The following FARS2 variants were observed in gnomAD, a reference collection of about 807,000 sequenced individuals.
The protein encoded by FARS2 is phenylalanyl-tRNA synthetase 2, mitochondrial.
FARS2 carries 40 observed loss-of-function variants against 46.4 expected under a neutral mutation model. The ratio of observed to expected loss-of-function variants is 0.86; its 90% CI spans 0.67 to 1.12. FARS2 has a LOEUF of 1.12. FARS2 is among the 50% of genes most tolerant of loss of function. FARS2 has a pLI of 0.00. For missense variants in FARS2, 513 were observed against 567.9 expected (o/e 0.90, Z 0.98); for synonymous variants, 234 against 214.9 (o/e 1.09, Z -0.78).
intron 5 of FARS2, among the ~76,000 whole-genome samples, chr6:5,593,813 G>A (rs1407517121): frequency 6.6e-6 from 1 of 152,146 alleles, no homozygotes; most frequent in Non-Finnish European, 1.5e-5. Flanking sequence ...GAAGATGGTC[G>A]GAGAGTCCTG....
At chr6:5,278,481 G>GT (rs1276830024) in intron 1 of FARS2, among the ~76,000 whole-genome samples, 2 of 152,210 alleles carry the variant, frequency 1.3e-5, no homozygotes, top group African/African-American at 4.8e-5. Context: ...TTTACACAAA[G>GT]TTTTTTACTA....
At chr6:5,264,495 CTT>C (rs776344380) in intron 1 of FARS2, among the ~76,000 whole-genome samples, 18 of 138,982 alleles carry the variant, frequency 1.3e-4, no homozygotes, top group Admixed American at 1.4e-4. Flanking sequence ...TTTCTTTTTT[CTT>C]TTTTTTTTTT....
chr6:5,553,588 G>C (rs1277709666), intron 5 of FARS2, among the ~76,000 whole-genome samples: 1 of 152,036 alleles, frequency 6.6e-6, no homozygotes, highest in Non-Finnish European at 1.5e-5. Context: ...AGAGCCGAAG[G>C]ATTTAAATTT....
At chr6:5,665,920 G>A (rs886935445) in intron 6 of FARS2, among the ~76,000 whole-genome samples, 6 of 152,148 alleles carry the variant, frequency 3.9e-5, no homozygotes, top group Non-Finnish European at 8.8e-5. Flanking sequence ...TTGAGTGGGA[G>A]GAGTTGGTGA....
At chr6:5,406,540 T>C (rs2127722488) in intron 3 of FARS2, among the ~76,000 whole-genome samples, 1 of 152,348 alleles carries the variant, frequency 6.6e-6, no homozygotes, top group Non-Finnish European at 1.5e-5. Flanking sequence ...GAATATGTGC[T>C]CTTTTTTGTC....
At chr6:5,500,817 G>A (rs1311833292) in intron 4 of FARS2, among the ~76,000 whole-genome samples, 1 of 152,080 alleles carries the variant, frequency 6.6e-6, no homozygotes, top group African/African-American at 2.4e-5. Context: ...AAGGATAAAG[G>A]ATAAGAAGAG....
chr6:5,747,122 C>T (rs1761691761), intron 6 of FARS2, among the ~76,000 whole-genome samples: 1 of 152,160 alleles, frequency 6.6e-6, no homozygotes, highest in Non-Finnish European at 1.5e-5. Context: ...GTACCATGGA[C>T]ACCAGCCAAG....
intron 4 of FARS2, chr6:5,452,452 T>C (rs1764552052): frequency 6.6e-6 from 1 of 152,340 alleles, no homozygotes; most frequent in African/African-American, 2.4e-5. Flanking sequence ...CAAGGAACTG[T>C]TGAATGTGCC....
chr6:5,338,242 A>C (rs1771299412), intron 1 of FARS2, among the ~76,000 whole-genome samples: 1 of 152,176 alleles, frequency 6.6e-6, no homozygotes, highest in Admixed American at 6.6e-5. Context: ...TCTTTTTAAA[A>C]AATTATTCAT....
chr6:5,554,773 CTG>C (rs1266174720), intron 5 of FARS2, among the ~76,000 whole-genome samples: 1 of 152,170 alleles, frequency 6.6e-6, no homozygotes, highest in Non-Finnish European at 1.5e-5. Flanking sequence ...TCAACCATAA[CTG>C]TGGTAGTAAG....
chr6:5,430,992 G>A lies in FARS2; in HGVS notation c.773-49G>A, dbSNP rs778616479. On this transcript the variant is annotated intron_variant, in intron 3 of 6. Transcript: ENST00000274680. The stretch of plus-strand genomic sequence containing the variant: ...AGGGAAAATTTGATCACAAGAAAGG[G>A]CAGACAGCTATTTAACACTACTTAT... 4 of 1,585,426 alleles carry A rather than the reference G, an allele frequency of 2.5e-6. No individual in the cohort carries two copies. In the Admixed American group the frequency reaches 5.1e-5, roughly 20 times the overall value.
At chr6:5,723,348 C>G (rs1422067458) in intron 6 of FARS2, among the ~76,000 whole-genome samples, 1 of 152,036 alleles carries the variant, frequency 6.6e-6, no homozygotes, top group Non-Finnish European at 1.5e-5. Context: ...TTGCAAATAT[C>G]AAGTGTAGTA....
At chr6:5,662,786 G>A (rs1259143203) in intron 6 of FARS2, among the ~76,000 whole-genome samples, 1 of 152,148 alleles carries the variant, frequency 6.6e-6, no homozygotes, top group Non-Finnish European at 1.5e-5. Flanking sequence ...GGGTTTGAAC[G>A]CTGGTCCTGC....
At chr6:5,323,972 G>A (rs955681586) in intron 1 of FARS2, among the ~76,000 whole-genome samples, 14 of 152,040 alleles carry the variant, frequency 9.2e-5, no homozygotes, top group African/African-American at 3.1e-4. Flanking sequence ...CAGCCCCCAA[G>A]ATAACTTCCC....
chr6:5,377,646 C>G (rs1759467504), intron 2 of FARS2, among the ~76,000 whole-genome samples: 1 of 152,088 alleles, frequency 6.6e-6, no homozygotes, highest in Non-Finnish European at 1.5e-5. Context: ...AGTGTATTAA[C>G]CAGTCTTGGT....
At chr6:5,403,070 T>G (rs1761356276) in intron 2 of FARS2, among the ~76,000 whole-genome samples, 1 of 152,208 alleles carries the variant, frequency 6.6e-6, no homozygotes, top group Non-Finnish European at 1.5e-5. Context: ...ATAGTTTTAT[T>G]TGTTCTTGTT....
At chr6:5,374,645 G>A (rs183891964) in intron 2 of FARS2, among the ~76,000 whole-genome samples, 3 of 151,958 alleles carry the variant, frequency 2.0e-5, no homozygotes, top group African/African-American at 7.2e-5. Context: ...GAAAACTTTT[G>A]AAGTTTCATC....
At chr6:5,547,756 C>T (rs1771123084) in intron 5 of FARS2, among the ~76,000 whole-genome samples, 1 of 152,234 alleles carries the variant, frequency 6.6e-6, no homozygotes, top group African/African-American at 2.4e-5. Flanking sequence ...GCAAGTGTGG[C>T]TCATTCTTCT....
intron 4 of FARS2, among the ~76,000 whole-genome samples, chr6:5,457,547 G>T (rs1764971669): frequency 6.6e-6 from 1 of 152,170 alleles, no homozygotes; most frequent in Non-Finnish European, 1.5e-5. Flanking sequence ...TTTTGACATG[G>T]TTATTTGAGA....
Sources: allele counts gnomAD v4.1 joint callset (sites outside exome capture counted in the v4.1 genomes callset), GRCh38; gene constraint gnomAD v4.1.1; transcripts MANE v1.5; gene names NCBI Gene and HGNC (gene_info 2026-07-23, HGNC 2026-07-21).